Variants in SPOCK3 observed in about 807,000 individuals in gnomAD.
SPOCK3 encodes testican-3.
Under a neutral mutation model 56.6 loss-of-function variants are expected in SPOCK3, and 30 were observed. The ratio of observed to expected loss-of-function variants is 0.53; its 90% CI spans 0.40 to 0.72. SPOCK3 has a LOEUF of 0.72. SPOCK3 is among the 30% of genes least tolerant of loss of function. The pLI is 0.00. For synonymous variants in SPOCK3, 196 were observed against 183.3 expected, an observed-to-expected ratio of 1.07 and a Z score of -0.56; for missense variants, 527 against 530.0, an observed-to-expected ratio of 0.99 and a Z score of 0.06.
Position 166,737,504 on chromosome 4 carries a change from T to G in SPOCK3, c.1095A>C (p.Glu365Asp). The change falls in exon 10 of 11, where the codon GAA becomes GAC. Residue 365 changes from glutamate to aspartate, a missense_variant. By Grantham distance (45) the Glu-to-Asp change is conservative. Transcript: ENST00000357545. ...CACCATTTATTCTGGATCCCATGAC[T>G]TCATTTCCATATCTGTCAACACACC... Reference protein sequence around the residue: ...QCWCVDRYGNEVMGSRINGVA... With the variant: ...QCWCVDRYGNDVMGSRINGVA... 1 of 1,613,420 alleles carries G rather than the reference T, an allele frequency of 6.2e-7. No homozygotes were observed. Among genetic ancestry groups the G allele is most frequent in the Non-Finnish European group, 8.5e-7 (1 of 1,179,608 alleles).
intron 2 of SPOCK3, among the ~76,000 whole-genome samples, chr4:167,090,368 C>T (rs1402590460): frequency 3.3e-5 from 5 of 152,102 alleles, no homozygotes; most frequent in African/African-American, 4.8e-5. Flanking sequence ...TTTTAATTTG[C>T]ATTTACACAG....
At chr4:166,999,343 T>TGGC in intron 4 of SPOCK3, among the ~76,000 whole-genome samples, 1 of 152,300 alleles carries the variant, frequency 6.6e-6, no homozygotes, top group Admixed American at 6.5e-5. Flanking sequence ...AACAGGGTGT[T>TGGC]ATGTATATGT....
At chr4:166,965,445 G>A (rs1315689240) in intron 4 of SPOCK3, among the ~76,000 whole-genome samples, 1 of 149,596 alleles carries the variant, frequency 6.7e-6, no homozygotes, top group Non-Finnish European at 1.5e-5. Flanking sequence ...AATTTTGAAA[G>A]TTAATTTTGC....
At chr4:166,872,309 A>G (rs1210221129) in intron 6 of SPOCK3, among the ~76,000 whole-genome samples, 1 of 152,176 alleles carries the variant, frequency 6.6e-6, no homozygotes, top group Non-Finnish European at 1.5e-5. Flanking sequence ...TACTGGCTAC[A>G]TAGAAAATGC....
intron 6 of SPOCK3, among the ~76,000 whole-genome samples, chr4:166,841,901 TAC>T (rs1316198399): frequency 2.0e-5 from 3 of 152,212 alleles, no homozygotes; most frequent in Non-Finnish European, 4.4e-5. Flanking sequence ...CGATGAGTGT[TAC>T]AGTTTTTAAA....
intron 2 of SPOCK3, among the ~76,000 whole-genome samples, chr4:167,194,561 G>A (rs547691725): frequency 2.0e-5 from 3 of 152,298 alleles, no homozygotes; most frequent in South Asian, 2.1e-4. Flanking sequence ...ATGTCTCTCC[G>A]AGTGTGCAGA....
chr4:166,754,774 C>G (rs1186824156), intron 7 of SPOCK3, 45 bp from the exon 8 acceptor site: 1 of 1,596,238 alleles, frequency 6.3e-7, no homozygotes, highest in African/African-American at 1.3e-5. Flanking sequence ...ATGAAAGACA[C>G]CATTAGCAGA....
rs564215038 is a variant in SPOCK3, at chr4:167,116,945, A to G, written c.190-54408T>C. 4.0e-4 allele frequency among the ~76,000 whole-genome samples: 58 copies of G among 143,262 alleles called. 1 individual carries two copies. In the East Asian group the frequency reaches 9.3e-3, roughly 23 times the overall value. The allele number at this position is 143,262 out of a possible 152,430, so 94.0% of individuals were successfully genotyped here. A position where few individuals can be genotyped will look rare whatever the true frequency, so the allele number is the denominator to read the frequency against. On this transcript the variant is annotated intron_variant, in intron 2 of 10. Transcript: ENST00000357545. ...TATATATATATATACTTTTGTGTAT[A>G]TGTATATATATATATCCCACCATAG...
At chr4:166,867,168 G>C (rs996375712) in intron 6 of SPOCK3, among the ~76,000 whole-genome samples, 2 of 152,014 alleles carry the variant, frequency 1.3e-5, no homozygotes, top group Non-Finnish European at 2.9e-5. Flanking sequence ...GATTTAGTGA[G>C]ATTCTGTGGA....
intron 2 of SPOCK3, among the ~76,000 whole-genome samples, chr4:167,144,300 C>T (rs942805846): frequency 1.3e-5 from 2 of 151,908 alleles, no homozygotes; most frequent in African/African-American, 2.4e-5. Context: ...CTCAACTATA[C>T]TAAAAATATC....
chr4:166,938,164 C>T (rs1740658257), intron 4 of SPOCK3, among the ~76,000 whole-genome samples: 1 of 152,004 alleles, frequency 6.6e-6, no homozygotes. Context: ...AATGCAGTGT[C>T]ATCTGAAGAA....
intron 2 of SPOCK3, among the ~76,000 whole-genome samples, chr4:167,074,739 G>C (rs1757016792): frequency 6.6e-6 from 1 of 151,906 alleles, no homozygotes; most frequent in Non-Finnish European, 1.5e-5. Context: ...TCCACAGAGG[G>C]AGGGCGAGGA....
chr4:166,874,367 T>C (rs1253922547), intron 6 of SPOCK3, among the ~76,000 whole-genome samples: 2 of 152,090 alleles, frequency 1.3e-5, no homozygotes, highest in African/African-American at 4.8e-5. Context: ...ATCTGTGAGA[T>C]TGTGGCAGGC....
intron 2 of SPOCK3, among the ~76,000 whole-genome samples, chr4:167,233,340 C>T (rs896685690): frequency 1.3e-5 from 2 of 152,196 alleles, no homozygotes; most frequent in Admixed American, 6.5e-5. Context: ...CCCGCCCTCG[C>T]AACCTCTTCC....
At position 166,863,225 on chromosome 4, in the gene SPOCK3, C is replaced by T. The variant is rs79012697; in HGVS notation, c.589+25905G>A. ...CAAGCAAATGCTGAGGGATTTTGTACCACCAGGCCTGCCTTACAAGAGCTC... is the reference window on the plus strand; with the variant it reads ...CAAGCAAATGCTGAGGGATTTTGTATCACCAGGCCTGCCTTACAAGAGCTC... On this transcript the variant is annotated intron_variant, in intron 6 of 10. Coordinates refer to ENST00000357545, the MANE Select transcript of SPOCK3 (RefSeq NM_001040159.2). Among the ~76,000 whole-genome samples the T allele has an allele frequency of 2.7e-3, 404 of 152,120 alleles. 9 individuals carry two copies. In the East Asian group the frequency reaches 0.061, roughly 23 times the overall value.
chr4:166,918,509 T>A (rs984962984), intron 4 of SPOCK3: 1 of 151,994 alleles, frequency 6.6e-6, no homozygotes, highest in Admixed American at 6.6e-5. Flanking sequence ...CTTTATAAAA[T>A]AAAATACTAT....
intron 4 of SPOCK3, among the ~76,000 whole-genome samples, chr4:166,986,266 C>T (rs1445320979): frequency 6.6e-6 from 1 of 152,126 alleles, no homozygotes; most frequent in Non-Finnish European, 1.5e-5. Flanking sequence ...AGATTTTACT[C>T]ATAGCAAGGA....
intron 2 of SPOCK3, among the ~76,000 whole-genome samples, chr4:167,220,708 T>TTTCTGACCACATAAGATA (rs1735829473): frequency 6.6e-6 from 1 of 152,074 alleles, no homozygotes; most frequent in African/African-American, 2.4e-5. Flanking sequence ...TTAACAGCTA[T>TTTCTGACCACATAAGATA]TTCTGACCAC....
chr4:167,101,092 T>C (rs140504633), intron 2 of SPOCK3, among the ~76,000 whole-genome samples: 6 of 152,262 alleles, frequency 3.9e-5, no homozygotes, highest in Admixed American at 3.9e-4. Flanking sequence ...ACTGGCTCTG[T>C]ACTAAGGATA....
Sources: allele counts gnomAD v4.1 joint callset (sites outside exome capture counted in the v4.1 genomes callset), GRCh38; gene constraint gnomAD v4.1.1; transcripts MANE v1.5; gene names NCBI Gene and HGNC (gene_info 2026-07-23, HGNC 2026-07-21).